LIFR: variants seen among roughly 807,000 people sequenced by gnomAD.
The protein encoded by LIFR is leukemia inhibitory factor receptor.
In LIFR, 84 loss-of-function variants were observed where a neutral mutation model predicts 122.2. The ratio of observed to expected loss-of-function variants is 0.69; its 90% CI spans 0.58 to 0.82. The LOEUF (loss-of-function observed/expected upper bound fraction) is 0.82. Among genes scored for constraint, LIFR ranks in the 40% least tolerant of loss-of-function variants. The probability of loss-of-function intolerance (pLI) is 0.00; values close to 1 mark genes in which losing one functional copy is unlikely to be tolerated. For missense variants in LIFR, 1,294 were observed against 1,311.6 expected, an observed-to-expected ratio of 0.99 and a Z score of 0.21; for synonymous variants, 422 against 434.7, an observed-to-expected ratio of 0.97 and a Z score of 0.36.
intron 5 of LIFR, among the ~76,000 whole-genome samples, chr5:38,518,250 T>C (rs534688346): frequency 1.1e-4 from 17 of 152,148 alleles, no homozygotes; most frequent in Non-Finnish European, 1.6e-4. Flanking sequence ...AAAATATAAA[T>C]TGTAGCAGTT....
At chr5:38,595,546 G>T (rs1043176237), upstream of LIFR, 1 of 152,432 alleles carries the variant, frequency 6.6e-6, no homozygotes, top group Non-Finnish European at 1.5e-5. Context: ...AAACCAAATT[G>T]TGTCTTGGAT....
At chr5:38,560,752 C>T (rs191054018), upstream of LIFR, among the ~76,000 whole-genome samples, 3 of 152,052 alleles carry the variant, frequency 2.0e-5, no homozygotes, top group South Asian at 2.1e-4. Context: ...TCCGCCACCA[C>T]GTCTGGCTAA....
rs1379077156 is a variant in LIFR, at chr5:38,499,569, G to T, written c.1615C>A (p.Pro539Thr). Residue 539 changes from proline (P) to threonine (T), a missense_variant, in exon 12 of 20, where the codon CCT becomes ACT. By Grantham distance (38) the Pro-to-Thr change is conservative (BLOSUM62 -1). Coordinates refer to ENST00000453190, the MANE Select transcript of LIFR (RefSeq NM_001127671.2). The part of the protein sequence containing the change: ...LTTEASPSKG[P>T]DTWREWSSDG... The stretch of plus-strand genomic sequence containing the variant: ...GAACTCCACTCTCTCCAAGTATCAG[G>T]CCCCTTTGAAGGACCTAAAAAGGAG... 2 of 1,607,414 alleles carry T rather than the reference G, an allele frequency of 1.2e-6. No individual in the cohort carries two copies.
intron 2 of LIFR, among the ~76,000 whole-genome samples, chr5:38,602,744 C>G (rs1750245559): frequency 6.6e-6 from 1 of 152,090 alleles, no homozygotes; most frequent in African/African-American, 2.4e-5. Context: ...AAGAGTGGAG[C>G]AGGAAAAGGA....
chr5:38,526,305 C>T (rs1221288056), intron 4 of LIFR, among the ~76,000 whole-genome samples: 1 of 151,888 alleles, frequency 6.6e-6, no homozygotes, highest in Admixed American at 6.6e-5. Context: ...TTTACAGGAC[C>T]CACATTCTGC....
chr5:38,602,931 G>A (rs940409773), intron 2 of LIFR, among the ~76,000 whole-genome samples: 1 of 152,088 alleles, frequency 6.6e-6, no homozygotes, highest in African/African-American at 2.4e-5. Flanking sequence ...ACAAAATGGA[G>A]TATGACCTTC....
intron 11 of LIFR, 103 bp downstream of exon 11, chr5:38,502,534 C>T (rs1304810395): frequency 2.1e-6 from 2 of 958,180 alleles, no homozygotes; most frequent in South Asian, 1.3e-5. Flanking sequence ...GCTGGGATTA[C>T]AGGTGTGACC....
At chr5:38,527,033 G>A in intron 4 of LIFR, 122 bp downstream of exon 4, 1 of 846,734 alleles carries the variant, frequency 1.2e-6, no homozygotes, top group Admixed American at 2.9e-5. Context: ...TTCATAGGGA[G>A]GTTGCTGAGT....
chr5:38,549,559 G>A lies in LIFR; in HGVS notation c.-20+6775C>T, dbSNP rs190762777. Among the ~76,000 whole-genome samples the A allele has an allele frequency of 8.1e-4, 123 of 152,288 alleles. 1 individual carries two copies. The East Asian group carries it at 0.02, about 24-fold the overall frequency. ...TGTAATCCCAGCACTTTGGGAGGCCGAGGCAGGCGGATCACGAGGTCAGGA... is the reference window on the plus strand; with the variant it reads ...TGTAATCCCAGCACTTTGGGAGGCCAAGGCAGGCGGATCACGAGGTCAGGA... On this transcript the variant is annotated intron_variant, in intron 1 of 19. Coordinates refer to ENST00000453190, the MANE Select transcript of LIFR (RefSeq NM_001127671.2).
At chr5:38,589,770 C>G (rs1022483472) in intron 1 of LIFR, among the ~76,000 whole-genome samples, 1 of 149,692 alleles carries the variant, frequency 6.7e-6, no homozygotes, top group Admixed American at 6.7e-5. Context: ...CTTCTTTGTC[C>G]TCGAGCAGAA....
At chr5:38,485,204 C>T (rs560401854) in intron 17 of LIFR, among the ~76,000 whole-genome samples, 1 of 152,282 alleles carries the variant, frequency 6.6e-6, no homozygotes, top group East Asian at 1.9e-4. Context: ...CCAGCAGTAT[C>T]CCCCAGTTAT....
In LIFR at chr5:38,476,067, T is replaced by C. The variant is rs556389970; in HGVS notation, c.*5528A>G. On this transcript the variant is annotated 3_prime_UTR_variant, in exon 20 of 20. Coordinates refer to ENST00000453190, the MANE Select transcript of LIFR (RefSeq NM_001127671.2). Reference sequence around the variant, plus strand: ...GTGTTGTCTCCCGCTACTCACAATGTTATTCATATTTTTCCTAAATATTGT... The same window carrying C: ...GTGTTGTCTCCCGCTACTCACAATGCTATTCATATTTTTCCTAAATATTGT... 5.2e-4 allele frequency: 104 copies of C among 198,952 alleles called. 1 individual carries two copies. Among genetic ancestry groups the C allele is most frequent in the African/African-American group, 2.2e-3 (98 of 43,616 alleles). 12.3% of individuals were successfully genotyped at this position (198,952 alleles called of 1,614,324 possible).
intron 1 of LIFR, among the ~76,000 whole-genome samples, chr5:38,551,927 A>G (rs1342378799): frequency 6.6e-6 from 1 of 152,222 alleles, no homozygotes; most frequent in African/African-American, 2.4e-5. Context: ...CCCATATTTC[A>G]CAAAAGGAAA....
At chr5:38,590,379 T>A (rs1174536790) in intron 1 of LIFR, among the ~76,000 whole-genome samples, 1 of 152,138 alleles carries the variant, frequency 6.6e-6, no homozygotes, top group Non-Finnish European at 1.5e-5. Flanking sequence ...TGGTAACTTT[T>A]CCTTGGACCC....
intron 5 of LIFR, among the ~76,000 whole-genome samples, chr5:38,515,969 T>C (rs1305745712): frequency 6.6e-6 from 1 of 152,212 alleles, no homozygotes; most frequent in East Asian, 1.9e-4. Flanking sequence ...ATAAAATGAC[T>C]GATCACAAGC....
In LIFR at chr5:38,476,586, T is replaced by C. The variant is rs1310566791; in HGVS notation, c.*5009A>G. On this transcript the variant is annotated 3_prime_UTR_variant, in exon 20 of 20. Coordinates refer to ENST00000453190, the MANE Select transcript of LIFR (RefSeq NM_001127671.2). ...CAATCTTAGAAGATGCATGTAAATA[T>C]AATATAAATCAACTTTCTTATCAAT... 4.9e-6 allele frequency: 1 copy of C among 204,298 alleles called. No homozygotes were observed. Among genetic ancestry groups the C allele is most frequent in the African/African-American group, 2.3e-5 (1 of 43,718 alleles). 12.7% of individuals were successfully genotyped at this position (204,298 alleles called of 1,614,324 possible).
intron 2 of LIFR, among the ~76,000 whole-genome samples, chr5:38,603,614 ACAGAGAAGGGGCTGCCC>A (rs1191713293): frequency 6.6e-6 from 1 of 152,104 alleles, no homozygotes. Context: ...ATGTGGGAAA[ACAGAGAAGGGGCTGCCC>A]CAGGGTCCAG....
chr5:38,537,201 T>G (rs1346089255), intron 1 of LIFR, among the ~76,000 whole-genome samples: 2 of 152,152 alleles, frequency 1.3e-5, no homozygotes, highest in African/African-American at 4.8e-5. Flanking sequence ...ACAGTTCCAG[T>G]TCCATACTGT....
intron 1 of LIFR, among the ~76,000 whole-genome samples, chr5:38,564,745 CACACACACACA>C (rs1748957243): frequency 5.9e-5 from 8 of 134,726 alleles, no homozygotes; most frequent in African/African-American, 2.5e-4. Context: ...TACACACACA[CACACACACACA>C]CACACACACA....
Sources: gnomAD v4.1 joint callset for allele counts (sites outside exome capture counted in the v4.1 genomes callset) on GRCh38, gnomAD v4.1.1 for gene constraint, MANE v1.5 for transcripts, NCBI Gene and HGNC (gene_info 2026-07-23, HGNC 2026-07-21) for gene names.